IGBP1C: variants seen among roughly 807,000 people sequenced by gnomAD.
IGBP1C encodes IGBP1 family member C, also known as immunoglobulin-binding protein 1 family member C.
chr17:58,660,920 C>G, the IGBP1C span: 1 of 897,694 alleles, frequency 1.1e-6, no homozygotes, highest in Non-Finnish European at 1.9e-6. Context: ...GGATGCCTCT[C>G]TTGAAGAGTC....
chr17:58,674,266 ACT>A, the IGBP1C span, among the ~76,000 whole-genome samples: 93 of 148,552 alleles, frequency 6.3e-4, no homozygotes, highest in South Asian at 1.1e-3. Flanking sequence ...ACAGAGCAAG[ACT>A]CTGTCTCAAA....
the IGBP1C span, among the ~76,000 whole-genome samples, chr17:58,678,206 T>C: frequency 6.6e-6 from 1 of 152,086 alleles, no homozygotes; most frequent in East Asian, 1.9e-4. Context: ...GAAAAGCTTA[T>C]CCAGATGGGC....
chr17:58,684,749 C>T, the IGBP1C span, among the ~76,000 whole-genome samples: 1 of 151,932 alleles, frequency 6.6e-6, no homozygotes, highest in East Asian at 1.9e-4. Flanking sequence ...CAGAGGTGGG[C>T]AGATCACCTG....
the IGBP1C span, among the ~76,000 whole-genome samples, chr17:58,676,386 C>CA: frequency 7.4e-5 from 11 of 148,628 alleles, no homozygotes; most frequent in African/African-American, 1.2e-4. Context: ...CAAAAAAAAC[C>CA]AAAAAAACAA....
At chr17:58,682,703 T>A in the IGBP1C span, among the ~76,000 whole-genome samples, 20 of 152,330 alleles carry the variant, frequency 1.3e-4, no homozygotes, top group African/African-American at 4.8e-4. Context: ...AAGTGGCTCA[T>A]GAATCCTCAC....
At chr17:58,679,024 T>C in the IGBP1C span, among the ~76,000 whole-genome samples, 8 of 151,520 alleles carry the variant, frequency 5.3e-5, no homozygotes, top group Non-Finnish European at 1.2e-4. Context: ...CGTGGTGGCG[T>C]GTGCCTGTAA....
chr17:58,680,467 C>A, the IGBP1C span, among the ~76,000 whole-genome samples: 5 of 152,134 alleles, frequency 3.3e-5, no homozygotes, highest in African/African-American at 1.2e-4. Context: ...GCAGGCCGGA[C>A]GCTGTGACTC....
the IGBP1C span, chr17:58,679,394 G>A: frequency 1.3e-5 from 2 of 152,002 alleles, no homozygotes; most frequent in Non-Finnish European, 2.9e-5. Flanking sequence ...GAGACCAAAA[G>A]CGTGTGTGGA....
At chr17:58,660,483 C>T in the IGBP1C span, 6 of 636,162 alleles carry the variant, frequency 9.4e-6, no homozygotes, top group Admixed American at 5.2e-5. Context: ...CTTCGTTTTA[C>T]ACAGCTGTAG....
chr17:58,670,127 A>G, the IGBP1C span, among the ~76,000 whole-genome samples: 3 of 152,158 alleles, frequency 2.0e-5, no homozygotes, highest in African/African-American at 7.2e-5. Flanking sequence ...TCCCACGCTG[A>G]GCTCCCTCTG....
chr17:58,684,184 A>T, the IGBP1C span, among the ~76,000 whole-genome samples: 2 of 152,048 alleles, frequency 1.3e-5, no homozygotes, highest in Middle Eastern at 3.4e-3. Flanking sequence ...TCCGCCCGGC[A>T]TGGTGACTCA....
At chr17:58,680,222 C>A in the IGBP1C span, among the ~76,000 whole-genome samples, 1 of 151,982 alleles carries the variant, frequency 6.6e-6, no homozygotes, top group Admixed American at 6.6e-5. Context: ...GGCTTTCTTG[C>A]GCAGTTAAAC....
chr17:58,661,458 G>A, the IGBP1C span: 2 of 786,514 alleles, frequency 2.5e-6, no homozygotes, highest in Non-Finnish European at 4.7e-6. Context: ...AGGAGGTCGA[G>A]GCCCTTGAAC....
At chr17:58,681,056 T>G in the IGBP1C span, among the ~76,000 whole-genome samples, 1 of 151,652 alleles carries the variant, frequency 6.6e-6, no homozygotes, top group African/African-American at 2.4e-5. Flanking sequence ...CTGAGGTGGG[T>G]GGATCACCTG....
At chr17:58,668,399 G>C in the IGBP1C span, among the ~76,000 whole-genome samples, 2 of 152,194 alleles carry the variant, frequency 1.3e-5, no homozygotes, top group Non-Finnish European at 2.9e-5. Context: ...GCCTGGAGGA[G>C]CTGCAGTAAC....
At chr17:58,660,513 G>A in the IGBP1C span, 4 of 718,142 alleles carry the variant, frequency 5.6e-6, no homozygotes, top group Non-Finnish European at 1.0e-5. Flanking sequence ...GGGAGGGGAA[G>A]GCTGCATGGT....
At chr17:58,684,898 C>A in the IGBP1C span, among the ~76,000 whole-genome samples, 12 of 151,996 alleles carry the variant, frequency 7.9e-5, no homozygotes, top group Non-Finnish European at 1.6e-4. Context: ...ATTGCTTGAA[C>A]CCTCAAGACA....
chr17:58,676,430 G>A, the IGBP1C span, among the ~76,000 whole-genome samples: 1 of 151,626 alleles, frequency 6.6e-6, no homozygotes, highest in Non-Finnish European at 1.5e-5. Context: ...CGTGGTGGCA[G>A]GCGTCTGTAA....
At chr17:58,681,256 T>C in the IGBP1C span, among the ~76,000 whole-genome samples, 1 of 151,970 alleles carries the variant, frequency 6.6e-6, no homozygotes, top group South Asian at 2.1e-4. Flanking sequence ...CGAAACTCCA[T>C]CTCTAATGAT....
Sources: gnomAD v4.1 joint callset for allele counts (sites outside exome capture counted in the v4.1 genomes callset) on GRCh38, gnomAD v4.1.1 for gene constraint, MANE v1.5 for transcripts, NCBI Gene and HGNC (gene_info 2026-07-23, HGNC 2026-07-21) for gene names.